Variants in VAMP7 observed in about 807,000 individuals in gnomAD.
VAMP7 encodes the protein vesicle associated membrane protein 7, also known as vesicle-associated membrane protein 7.
VAMP7 carries 14 observed loss-of-function variants against 29.6 expected under a neutral mutation model. The ratio of observed to expected loss-of-function variants is 0.47; its 90% confidence interval spans 0.31 to 0.74. VAMP7 has a LOEUF of 0.74. Ranked by LOEUF, VAMP7 falls within the 30% of genes least tolerant of loss-of-function variation. The pLI is 0.05. For synonymous variants in VAMP7, 95 were observed against 88.1 expected (o/e 1.08, Z -0.44); for missense variants, 223 against 262.4 (o/e 0.85, Z 1.04).
chrX:155,909,703 G>A (rs983943383), intron 5 of VAMP7, among the ~76,000 whole-genome samples: 1 of 152,206 alleles, frequency 6.6e-6, no homozygotes, highest in African/African-American at 2.4e-5. Flanking sequence ...CACGGTGCCA[G>A]TATGGTCAGG....
chrX:155,939,617 G>A (rs1050044565), intron 6 of VAMP7, 84 bp from the exon 7 acceptor site: 3 of 960,596 alleles, frequency 3.1e-6, no homozygotes, highest in African/African-American at 3.2e-5. Flanking sequence ...TGGAATTAAT[G>A]GAAGTAAAAT....
Position 155,889,597 on chromosome X carries a change from C to T in VAMP7, c.131C>T (p.Thr44Met), listed in dbSNP as rs766838352. Residue 44 changes from threonine (T) to methionine (M), a missense_variant, in exon 2 of 8, where the codon ACG becomes ATG. Coordinates refer to ENST00000286448, the MANE Select transcript of VAMP7 (RefSeq NM_005638.6). ...ATACCTTCTGAAAATAACAAACTAACGTACTCACATGGCAAGTGAGTTCTG... is the reference window on the plus strand; with the variant it reads ...ATACCTTCTGAAAATAACAAACTAATGTACTCACATGGCAAGTGAGTTCTG... Reference protein sequence around the residue: ...AKIPSENNKLTYSHGNYLFHY... With the variant: ...AKIPSENNKLMYSHGNYLFHY... 6.8e-6 allele frequency: 11 copies of T among 1,613,832 alleles called. No individual in the cohort carries two copies. Among genetic ancestry groups the T allele is most frequent in the South Asian group, 2.2e-5 (2 of 91,058 alleles).
In VAMP7 at chrX:155,897,582, C is replaced by T. The variant is rs761691072; in HGVS notation, c.205-530C>T. ...ACATACACACATTCATTTTTTTCCT[C>T]TAAGGTATTCTTACAGAGAACACAC... is the stretch of plus-strand genomic sequence containing the variant. On this transcript the variant is annotated intron_variant, in intron 3 of 7. Coordinates refer to ENST00000286448, the MANE Select transcript of VAMP7 (RefSeq NM_005638.6). 5.9e-5 allele frequency among the ~76,000 whole-genome samples: 9 copies of T among 152,180 alleles called. No homozygotes were observed. In the South Asian group the frequency reaches 1.2e-3, roughly 21 times the overall value.
intron 6 of VAMP7, among the ~76,000 whole-genome samples, chrX:155,930,995 A>T (rs1180057125): frequency 1.3e-5 from 2 of 152,072 alleles, no homozygotes; most frequent in Non-Finnish European, 2.9e-5. Flanking sequence ...TTTGCTGAGA[A>T]TGATGGTTTC....
chrX:155,924,775 T>C (rs1411997446), intron 6 of VAMP7, among the ~76,000 whole-genome samples: 1 of 152,214 alleles, frequency 6.6e-6, no homozygotes, highest in African/African-American at 2.4e-5. Flanking sequence ...ACCACATTGA[T>C]TGACTCTTTC....
chrX:155,930,615 A>AT (rs1190946493), intron 6 of VAMP7, among the ~76,000 whole-genome samples: 3 of 151,554 alleles, frequency 2.0e-5, no homozygotes, highest in African/African-American at 7.3e-5. Flanking sequence ...ACACCACTGC[A>AT]TTCCAGGCTG....
intron 5 of VAMP7, among the ~76,000 whole-genome samples, chrX:155,901,918 G>C (rs2066068053): frequency 6.6e-6 from 1 of 152,064 alleles, no homozygotes; most frequent in African/African-American, 2.4e-5. Flanking sequence ...GAAAGTCATT[G>C]GTAGCTTGAT....
intron 5 of VAMP7, among the ~76,000 whole-genome samples, chrX:155,905,827 C>G (rs2066139283): frequency 2.6e-5 from 4 of 152,090 alleles, no homozygotes; most frequent in Admixed American, 6.6e-5. Flanking sequence ...AGGAAATATT[C>G]ATCTTCCAAC....
At chrX:155,935,668 A>T (rs1725371411) in intron 6 of VAMP7, among the ~76,000 whole-genome samples, 1 of 152,048 alleles carries the variant, frequency 6.6e-6, no homozygotes, top group Admixed American at 6.6e-5. Flanking sequence ...AGCTCAGAGA[A>T]GTTTGATCAT....
intron 5 of VAMP7, among the ~76,000 whole-genome samples, chrX:155,903,954 C>A (rs2066108096): frequency 6.6e-6 from 1 of 151,870 alleles, no homozygotes; most frequent in Non-Finnish European, 1.5e-5. Flanking sequence ...TGGAACCAAC[C>A]CAAATGTCCA....
chrX:155,904,240 A>T (rs1293472515), intron 5 of VAMP7, among the ~76,000 whole-genome samples: 1 of 150,682 alleles, frequency 6.6e-6, no homozygotes, highest in Non-Finnish European at 1.5e-5. Context: ...GCTTTAGGAG[A>T]TATACCTAAT....
At chrX:155,932,504 CTGTT>C (rs1021773336) in intron 6 of VAMP7, among the ~76,000 whole-genome samples, 38 of 152,254 alleles carry the variant, frequency 2.5e-4, no homozygotes, top group African/African-American at 8.2e-4. Flanking sequence ...ATTTGGCTCT[CTGTT>C]TGTCTGTTAT....
At chrX:155,917,104 GTTGATCTAC>G (rs1288844499) in intron 5 of VAMP7, among the ~76,000 whole-genome samples, 2 of 151,890 alleles carry the variant, frequency 1.3e-5, no homozygotes, top group Admixed American at 6.6e-5. Context: ...ATTTCATTAA[GTTGATCTAC>G]AATCTCTGAT....
intron 5 of VAMP7, among the ~76,000 whole-genome samples, chrX:155,905,331 A>G (rs943665615): frequency 2.0e-5 from 3 of 152,106 alleles, no homozygotes; most frequent in Non-Finnish European, 4.4e-5. Flanking sequence ...GACCCTTATC[A>G]GATACATGAT....
intron 5 of VAMP7, among the ~76,000 whole-genome samples, chrX:155,915,234 C>A (rs1384079765): frequency 6.6e-6 from 1 of 151,942 alleles, no homozygotes; most frequent in East Asian, 1.9e-4. Context: ...TTTATTGTTT[C>A]TATTTGATTC....
intron 6 of VAMP7, among the ~76,000 whole-genome samples, chrX:155,934,379 T>A (rs1244062869): frequency 2.0e-5 from 3 of 152,200 alleles, no homozygotes; most frequent in African/African-American, 7.2e-5. Context: ...TGAATCTGGG[T>A]CCTCCTGTAT....
At chrX:155,899,390 G>A (rs181846897) in intron 4 of VAMP7, among the ~76,000 whole-genome samples, 185 of 151,918 alleles carry the variant, frequency 1.2e-3, no homozygotes, top group African/African-American at 3.4e-3. Flanking sequence ...CTTTCGAAAT[G>A]CTTCCCTTTT....
intron 5 of VAMP7, among the ~76,000 whole-genome samples, chrX:155,903,549 A>G (rs995223403): frequency 3.9e-5 from 6 of 152,054 alleles, no homozygotes; most frequent in African/African-American, 1.4e-4. Context: ...GGCGAAGGAC[A>G]TGAACAGACA....
intron 6 of VAMP7, among the ~76,000 whole-genome samples, chrX:155,925,747 A>G (rs1036137212): frequency 1.3e-5 from 2 of 152,202 alleles, no homozygotes; most frequent in Admixed American, 6.5e-5. Context: ...AAAGGAGGCA[A>G]TCAGATACGC....
Sources: gnomAD v4.1 joint callset for allele counts (sites outside exome capture counted in the v4.1 genomes callset) on GRCh38, gnomAD v4.1.1 for gene constraint, MANE v1.5 for transcripts, NCBI Gene and HGNC (gene_info 2026-07-23, HGNC 2026-07-21) for gene names.